Variants in CSMD3 observed in about 807,000 individuals in gnomAD.
CSMD3 encodes CUB and Sushi multiple domains 3.
Under a neutral mutation model 435.2 loss-of-function variants are expected in CSMD3, and 177 were observed. That is an observed-to-expected ratio of 0.41 (90% confidence interval 0.36 to 0.46). The LOEUF is 0.46. CSMD3 is among the 20% of genes least tolerant of loss of function. The probability of loss-of-function intolerance (pLI) is 0.34; values close to 1 mark genes in which losing one functional copy is unlikely to be tolerated. For synonymous variants in CSMD3, 1,656 were observed against 1,520.5 expected (o/e 1.09, Z -2.07); for missense variants, 4,265 against 4,504.6 (o/e 0.95, Z 1.52).
intron 53 of CSMD3, among the ~76,000 whole-genome samples, chr8:112,298,345 G>A (rs1223765046): frequency 6.6e-6 from 1 of 152,008 alleles, no homozygotes; most frequent in Non-Finnish European, 1.5e-5. Flanking sequence ...TCAATAAATA[G>A]TGCAAGATAC....
intron 10 of CSMD3, among the ~76,000 whole-genome samples, chr8:112,901,357 C>T (rs1459786870): frequency 1.3e-5 from 2 of 151,146 alleles, no homozygotes; most frequent in South Asian, 2.1e-4. Context: ...GGTGCTTTGG[C>T]CCTTTTTGGA....
At chr8:113,375,936 A>G (rs1271845309) in intron 1 of CSMD3, among the ~76,000 whole-genome samples, 1 of 152,204 alleles carries the variant, frequency 6.6e-6, no homozygotes, top group Non-Finnish European at 1.5e-5. Flanking sequence ...ATTTTTTACC[A>G]AAATTTTAGT....
At chr8:112,898,717 T>TTAAG (rs1250576876) in intron 10 of CSMD3, among the ~76,000 whole-genome samples, 2 of 151,254 alleles carry the variant, frequency 1.3e-5, no homozygotes, top group East Asian at 2.0e-4. Context: ...CCAACATGTA[T>TTAAG]TTTCATACAA....
At chr8:113,022,013 G>A (rs927023792) in intron 5 of CSMD3, among the ~76,000 whole-genome samples, 13 of 152,002 alleles carry the variant, frequency 8.6e-5, no homozygotes, top group African/African-American at 2.9e-4. Context: ...GAGTCACATG[G>A]GCTTTGAAAA....
intron 5 of CSMD3, among the ~76,000 whole-genome samples, chr8:113,054,606 T>C (rs2088238790): frequency 6.6e-6 from 1 of 152,162 alleles, no homozygotes; most frequent in Non-Finnish European, 1.5e-5. Context: ...TCCCACTAGT[T>C]TTCTCCTGAA....
At chr8:112,270,381 T>C (rs990380848) in intron 59 of CSMD3, among the ~76,000 whole-genome samples, 1 of 130,450 alleles carries the variant, frequency 7.7e-6, no homozygotes, top group African/African-American at 2.7e-5. Flanking sequence ...TGTGTGTGTG[T>C]GTGTGTGTGT....
intron 5 of CSMD3, 134 bp downstream of exon 5, chr8:113,098,622 A>T (rs914409711): frequency 4.5e-6 from 3 of 665,732 alleles, no homozygotes; most frequent in Non-Finnish European, 8.0e-6. Flanking sequence ...TTCAGCTCTG[A>T]CAACCTCTTC....
At chr8:113,165,068 T>C (rs1182359631) in intron 4 of CSMD3, among the ~76,000 whole-genome samples, 1 of 152,142 alleles carries the variant, frequency 6.6e-6, no homozygotes, top group African/African-American at 2.4e-5. Context: ...AGCAGGAAGT[T>C]AGATGATTGC....
intron 5 of CSMD3, among the ~76,000 whole-genome samples, chr8:113,031,895 G>A (rs1432452456): frequency 6.6e-6 from 1 of 151,552 alleles, no homozygotes; most frequent in East Asian, 1.9e-4. Context: ...GTTTCTGCCT[G>A]CTGCTCTCAT....
Position 112,944,646 on chromosome 8 carries a change from C to T in CSMD3, c.1508+3144G>A, listed in dbSNP as rs562656446. ...AACCTCTGTCATTCCACTGAAATCA[C>T]TCTTGTCAACAACCTTCATGTTGTC... On this transcript the variant is annotated intron_variant, in intron 9 of 70. Transcript: ENST00000297405. 7.2e-5 allele frequency among the ~76,000 whole-genome samples: 11 copies of T among 151,808 alleles called. No individual in the cohort carries two copies. In the South Asian group the frequency reaches 2.3e-3, roughly 31 times the overall value.
intron 8 of CSMD3, 141 bp from the exon 9 acceptor site, chr8:112,948,018 T>A: frequency 1.8e-6 from 1 of 558,226 alleles, no homozygotes; most frequent in Non-Finnish European, 3.2e-6. Context: ...TGTTAAACTA[T>A]AATTTTATAA....
intron 4 of CSMD3, among the ~76,000 whole-genome samples, chr8:113,117,189 T>C (rs529504447): frequency 6.6e-6 from 1 of 152,218 alleles, no homozygotes; most frequent in African/African-American, 2.4e-5. Context: ...GGAGGGCTAA[T>C]AGGAAAAAAA....
intron 38 of CSMD3, among the ~76,000 whole-genome samples, chr8:112,373,098 T>C (rs1050011263): frequency 6.6e-6 from 1 of 150,748 alleles, no homozygotes; most frequent in Non-Finnish European, 1.5e-5. Context: ...CAAATTTCCA[T>C]TTACTAAGAA....
At chr8:112,428,408 G>A (rs924053710) in intron 32 of CSMD3, among the ~76,000 whole-genome samples, 2 of 152,086 alleles carry the variant, frequency 1.3e-5, no homozygotes, top group Non-Finnish European at 2.9e-5. Context: ...ACAACCATGG[G>A]AGATATGATC....
At chr8:113,207,661 G>T (rs1030771299) in intron 3 of CSMD3, among the ~76,000 whole-genome samples, 4 of 152,144 alleles carry the variant, frequency 2.6e-5, no homozygotes, top group Admixed American at 2.6e-4. Context: ...GGGATTACAG[G>T]TGTGAGCCAC....
intron 1 of CSMD3, among the ~76,000 whole-genome samples, chr8:113,403,587 T>C (rs2094519778): frequency 6.6e-6 from 1 of 151,452 alleles, no homozygotes; most frequent in Non-Finnish European, 1.5e-5. Context: ...AAAGCATGAT[T>C]GCTTTCTGTG....
At chr8:112,386,830 T>G (rs1418447889) in intron 36 of CSMD3, among the ~76,000 whole-genome samples, 1 of 152,180 alleles carries the variant, frequency 6.6e-6, no homozygotes, top group Non-Finnish European at 1.5e-5. Flanking sequence ...AAATACTGAT[T>G]CAGTGTTCAG....
chr8:112,594,515 C>T (rs1175395181), intron 22 of CSMD3, among the ~76,000 whole-genome samples: 1 of 152,198 alleles, frequency 6.6e-6, no homozygotes, highest in East Asian at 1.9e-4. Flanking sequence ...TGTAGCCCAC[C>T]ACAGCTCAAG....
intron 54 of CSMD3, among the ~76,000 whole-genome samples, chr8:112,293,667 A>G (rs1819991533): frequency 6.6e-6 from 1 of 152,070 alleles, no homozygotes; most frequent in Non-Finnish European, 1.5e-5. Flanking sequence ...GCTGTGTCCC[A>G]CTATAAATTT....
Sources: allele counts gnomAD v4.1 joint callset (sites outside exome capture counted in the v4.1 genomes callset), GRCh38; gene constraint gnomAD v4.1.1; transcripts MANE v1.5; gene names NCBI Gene and HGNC (gene_info 2026-07-23, HGNC 2026-07-21).